KPNA5: variants seen among roughly 807,000 people sequenced by gnomAD.
KPNA5 encodes the protein importin subunit alpha-6.
KPNA5 carries 46 observed loss-of-function variants against 71.3 expected under a neutral mutation model. The observed-to-expected ratio is 0.65, with a 90% confidence interval of 0.51 to 0.83. The LOEUF (loss-of-function observed/expected upper bound fraction) is 0.83, where lower values mean the gene tolerates loss of function less well. KPNA5 is among the 40% of genes least tolerant of loss of function. KPNA5 has a pLI of 0.00. For synonymous variants in KPNA5, 207 were observed against 201.4 expected, an observed-to-expected ratio of 1.03 and a Z score of -0.24; for missense variants, 547 against 628.3, an observed-to-expected ratio of 0.87 and a Z score of 1.38.
At chr6:116,703,204 C>G (rs1285975578) in intron 6 of KPNA5, among the ~76,000 whole-genome samples, 2 of 151,478 alleles carry the variant, frequency 1.3e-5, no homozygotes, top group Non-Finnish European at 2.9e-5. Flanking sequence ...TATGTCATCA[C>G]TCTTTATGTA....
intron 8 of KPNA5, among the ~76,000 whole-genome samples, chr6:116,716,534 C>CAGT (rs1778894942): frequency 6.6e-6 from 1 of 152,226 alleles, no homozygotes; most frequent in Admixed American, 6.5e-5. Context: ...TGCCCAGAGG[C>CAGT]AGTCACTGCA....
intron 1 of KPNA5, 27 bp downstream of exon 1, chr6:116,681,365 T>C (rs1777346059): frequency 1.3e-6 from 2 of 1,572,134 alleles, no homozygotes; most frequent in African/African-American, 2.8e-5. Context: ...ACGGGCTAGG[T>C]TGGGGGAGCC....
chr6:116,738,370 A>C lies in KPNA5; in HGVS notation c.*6047A>C, dbSNP rs530955733. Reference sequence around the variant, plus strand: ...TGTGGCAATAATCAATAGCTTACCAACAAAAAGAGTCCAGGACCAGATGGA... The same window carrying C: ...TGTGGCAATAATCAATAGCTTACCACCAAAAAGAGTCCAGGACCAGATGGA... On this transcript the variant is annotated 3_prime_UTR_variant, in exon 14 of 14. Coordinates refer to ENST00000368564, the MANE Select transcript of KPNA5 (RefSeq NM_001366306.2). 47 of 152,262 alleles carry C rather than the reference A, an allele frequency of 3.1e-4. No homozygotes were observed. The highest frequency in any genetic ancestry group is 3.4e-3 in the Middle Eastern group (1 of 294). 9.4% of individuals were successfully genotyped at this position (152,262 alleles called of 1,614,324 possible). A position where few individuals can be genotyped will look rare whatever the true frequency, so the allele number is the denominator to read the frequency against.
At chr6:116,684,369 C>T (rs1583396055) in intron 1 of KPNA5, among the ~76,000 whole-genome samples, 1 of 152,094 alleles carries the variant, frequency 6.6e-6, no homozygotes, top group East Asian at 1.9e-4. Flanking sequence ...TGAGCTCCAC[C>T]AGTAGTGAGA....
In KPNA5 at chr6:116,702,002, C is replaced by T. The variant is rs749453717; in HGVS notation, c.436-17C>T. 1.9e-6 allele frequency: 3 copies of T among 1,591,430 alleles called. No homozygotes were observed. Among genetic ancestry groups the T allele is most frequent in the East Asian group, 4.5e-5 (2 of 44,270 alleles). On this transcript the variant is annotated splice_polypyrimidine_tract_variant and intron_variant, in intron 5 of 13. Coordinates refer to ENST00000368564, the MANE Select transcript of KPNA5 (RefSeq NM_001366306.2). Reference sequence around the variant, plus strand: ...TCTTTGGTTCTTTCATTTATTTTACCTTTTTTTTCTTCTTAGTTTGAAGCT... The same window carrying T: ...TCTTTGGTTCTTTCATTTATTTTACTTTTTTTTTCTTCTTAGTTTGAAGCT...
intron 7 of KPNA5, among the ~76,000 whole-genome samples, chr6:116,715,316 G>A (rs928525171): frequency 6.6e-6 from 1 of 151,998 alleles, no homozygotes; most frequent in Non-Finnish European, 1.5e-5. Context: ...ATGGTCTCAA[G>A]GGGGTCCACA....
chr6:116,733,359 G>T lies in KPNA5; in HGVS notation c.*1036G>T, dbSNP rs879806448. On this transcript the variant is annotated 3_prime_UTR_variant, in exon 14 of 14. Transcript: ENST00000368564. ...TATTATGTGTTAAATTGTATTAAAT[G>T]CATTTAACATTTGGATGCTAAATGA... The T allele has an allele frequency of 5.9e-5, 9 of 151,594 alleles. No individual in the cohort carries two copies. Among genetic ancestry groups the T allele is most frequent in the Non-Finnish European group, 8.9e-5 (6 of 67,670 alleles). The allele number at this position is 151,594 out of a possible 1,614,324, so 9.4% of individuals were successfully genotyped here.
intron 13 of KPNA5, 60 bp from the exon 14 acceptor site, chr6:116,732,076 A>ATG (rs1779508170): frequency 3.5e-5 from 1 of 28,440 alleles, no homozygotes; most frequent in Admixed American, 6.4e-4. Flanking sequence ...CAGTTTGTTT[A>ATG]TATATATATA....
At chr6:116,699,478 A>T (rs1017411978) in intron 5 of KPNA5, among the ~76,000 whole-genome samples, 1 of 152,196 alleles carries the variant, frequency 6.6e-6, no homozygotes, top group African/African-American at 2.4e-5. Flanking sequence ...TATAAATGCT[A>T]TTGTCAATAA....
rs746406356 is a variant in KPNA5, at chr6:116,689,505, T to C, written c.138+52T>C. On this transcript the variant is annotated intron_variant, in intron 2 of 13. Coordinates refer to ENST00000368564, the MANE Select transcript of KPNA5 (RefSeq NM_001366306.2). ...GTTTTTTAAAATTTTAATTATTTGCTAATTATTGGATAATTTTAAATGGAA... is the reference window on the plus strand; with the variant it reads ...GTTTTTTAAAATTTTAATTATTTGCCAATTATTGGATAATTTTAAATGGAA... 489 of 1,357,448 alleles carry C rather than the reference T, an allele frequency of 3.6e-4. 3 individuals are homozygous for C. Among genetic ancestry groups the C allele is most frequent in the Non-Finnish European group, 5.3e-5 (53 of 1,004,348 alleles). The allele number at this position is 1,357,448 out of a possible 1,614,324, so 84.1% of individuals were successfully genotyped here.
chr6:116,715,958 A>T, intron 7 of KPNA5, among the ~76,000 whole-genome samples: 1 of 152,070 alleles, frequency 6.6e-6, no homozygotes, highest in East Asian at 1.9e-4. Flanking sequence ...ATTCTTTTTA[A>T]TATATATAGA....
rs181800348 is a variant in KPNA5 at position 116,740,857 on chromosome 6, G to C, written c.*8534G>C. On this transcript the variant is annotated 3_prime_UTR_variant, in exon 14 of 14. Transcript: ENST00000368564. ...TGGGGACTGTTGTGGGGTTGGGGGA[G>C]GGGGGAGGGATAGCTTTAGGAGATA... 7.0e-6 allele frequency: 1 copy of C among 143,760 alleles called. No homozygotes were observed. The highest frequency in any genetic ancestry group is 2.5e-5 in the African/African-American group (1 of 39,342). The allele number at this position is 143,760 out of a possible 1,614,324, so 8.9% of individuals were successfully genotyped here.
At chr6:116,716,635 C>A (rs573908620) in intron 8 of KPNA5, among the ~76,000 whole-genome samples, 5 of 152,260 alleles carry the variant, frequency 3.3e-5, no homozygotes, top group African/African-American at 9.6e-5. Flanking sequence ...TTAAATAATT[C>A]CTTTATGTTC....
intron 1 of KPNA5, among the ~76,000 whole-genome samples, chr6:116,683,282 G>A (rs1297806050): frequency 2.0e-5 from 3 of 152,168 alleles, no homozygotes; most frequent in African/African-American, 4.8e-5. Context: ...ATGCACAAAT[G>A]TATTTTACGA....
Position 116,733,925 on chromosome 6 carries a change from CT to C in KPNA5, c.*1606del, listed in dbSNP as rs1779581633. The C allele has an allele frequency of 6.6e-6, 1 of 151,604 alleles. No homozygotes were observed. The highest frequency in any genetic ancestry group is 2.4e-5 in the African/African-American group (1 of 41,362). The allele number at this position is 151,604 out of a possible 1,614,324, so 9.4% of individuals were successfully genotyped here. A position where few individuals can be genotyped will look rare whatever the true frequency, so the allele number is the denominator to read the frequency against. Reference sequence around the variant, plus strand: ...GTAAATTACATATCATGAAACTAAGCTTTTGACAAGATACTTAAAACCTACA... The same window carrying C: ...GTAAATTACATATCATGAAACTAAGCTTTGACAAGATACTTAAAACCTACA... On this transcript the variant is annotated 3_prime_UTR_variant, in exon 14 of 14. Coordinates refer to ENST00000368564, the MANE Select transcript of KPNA5 (RefSeq NM_001366306.2).
chr6:116,692,908 C>G (rs1257418644), intron 4 of KPNA5, among the ~76,000 whole-genome samples: 2 of 152,134 alleles, frequency 1.3e-5, no homozygotes, highest in Non-Finnish European at 2.9e-5. Context: ...ACAACAGGCC[C>G]CGGTGTGTCA....
At chr6:116,728,319 A>T (rs1005157525) in intron 12 of KPNA5, among the ~76,000 whole-genome samples, 17 of 152,116 alleles carry the variant, frequency 1.1e-4, no homozygotes, top group Admixed American at 1.1e-3. Flanking sequence ...TATTGCTTTA[A>T]TTTATTAGTA....
intron 5 of KPNA5, among the ~76,000 whole-genome samples, chr6:116,701,019 C>A (rs1562436696): frequency 6.6e-6 from 1 of 152,050 alleles, no homozygotes; most frequent in Non-Finnish European, 1.5e-5. Context: ...TGTAGAGTAA[C>A]CTTTCAGTTG....
At chr6:116,712,839 C>A (rs1350832813) in intron 7 of KPNA5, among the ~76,000 whole-genome samples, 3 of 151,926 alleles carry the variant, frequency 2.0e-5, no homozygotes, top group Non-Finnish European at 4.4e-5. Flanking sequence ...TGTTTCCTTT[C>A]CTATTTTTTT....
Sources: gnomAD v4.1 joint callset for allele counts (sites outside exome capture counted in the v4.1 genomes callset) on GRCh38, gnomAD v4.1.1 for gene constraint, MANE v1.5 for transcripts, NCBI Gene and HGNC (gene_info 2026-07-23, HGNC 2026-07-21) for gene names.